The following EYA4 variants were observed in gnomAD, a reference collection of about 807,000 sequenced individuals.
EYA4 encodes the protein protein phosphatase EYA4.
Under a neutral mutation model 87.9 loss-of-function variants are expected in EYA4, and 31 were observed. The ratio of observed to expected loss-of-function variants is 0.35; its 90% CI spans 0.27 to 0.48. EYA4 has a LOEUF of 0.48. Among genes scored for constraint, EYA4 ranks in the 20% least tolerant of loss-of-function variants. EYA4 has a pLI of 0.99. For synonymous variants in EYA4, 263 were observed against 270.6 expected, an observed-to-expected ratio of 0.97 and a Z score of 0.28; for missense variants, 678 against 761.4, an observed-to-expected ratio of 0.89 and a Z score of 1.29.
chr6:133,497,028 G>T (rs548155037), intron 13 of EYA4, among the ~76,000 whole-genome samples: 1 of 152,176 alleles, frequency 6.6e-6, no homozygotes, highest in South Asian at 2.1e-4. Flanking sequence ...ATAATTAGTG[G>T]GCAATACTGA....
At chr6:133,393,373 A>G (rs1371101179) in intron 3 of EYA4, among the ~76,000 whole-genome samples, 2 of 152,210 alleles carry the variant, frequency 1.3e-5, no homozygotes, top group Non-Finnish European at 2.9e-5. Flanking sequence ...ACAAGAGCAT[A>G]CATGGTAAAG....
At chr6:133,449,375 GTTC>G (rs1445072116) in intron 5 of EYA4, among the ~76,000 whole-genome samples, 1 of 152,182 alleles carries the variant, frequency 6.6e-6, no homozygotes, top group Non-Finnish European at 1.5e-5. Flanking sequence ...GTAAAAAAAT[GTTC>G]TTAGCTTACT....
chr6:133,306,189 A>C (rs1005638413), intron 2 of EYA4, among the ~76,000 whole-genome samples: 2 of 152,322 alleles, frequency 1.3e-5, no homozygotes, highest in Non-Finnish European at 1.5e-5. Context: ...GACTAGAGAA[A>C]AGAGAGGCTA....
chr6:133,350,427 G>A (rs150366305), intron 2 of EYA4, among the ~76,000 whole-genome samples: 2 of 152,204 alleles, frequency 1.3e-5, no homozygotes, highest in African/African-American at 4.8e-5. Context: ...TATACTAAGT[G>A]GTTGATGAGG....
intron 3 of EYA4, among the ~76,000 whole-genome samples, chr6:133,432,322 T>C (rs992904385): frequency 7.9e-5 from 12 of 152,244 alleles, no homozygotes; most frequent in African/African-American, 2.4e-4. Flanking sequence ...AACTTCCCAA[T>C]TGAATATTTA....
rs151021691 is a variant in EYA4, at chr6:133,516,911, C to T, written c.1616+1476C>T. On this transcript the variant is annotated intron_variant, in intron 17 of 19. Coordinates refer to ENST00000355286, the MANE Select transcript of EYA4 (RefSeq NM_004100.5). ...ATGTACCACATTTTCTTTATCCAGT[C>T]TATCATTGATGCACAGTTAGGTTGA... 1.6e-3 allele frequency among the ~76,000 whole-genome samples: 236 copies of T among 152,202 alleles called. 1 individual carries two copies. The highest frequency in any genetic ancestry group is 5.5e-3 in the African/African-American group (228 of 41,516).
intron 1 of EYA4, among the ~76,000 whole-genome samples, chr6:133,268,765 T>C (rs1027783272): frequency 1.3e-5 from 2 of 152,094 alleles, no homozygotes; most frequent in African/African-American, 4.8e-5. Context: ...CAGGCTGAGA[T>C]ACCCAGATTT....
chr6:133,495,419 T>C (rs1430819544), intron 13 of EYA4, among the ~76,000 whole-genome samples: 1 of 148,468 alleles, frequency 6.7e-6, no homozygotes, highest in East Asian at 1.9e-4. Flanking sequence ...AAGAAATATA[T>C]TCATTTATTT....
At chr6:133,397,417 C>A (rs1294983311) in intron 3 of EYA4, among the ~76,000 whole-genome samples, 1 of 152,182 alleles carries the variant, frequency 6.6e-6, no homozygotes, top group Non-Finnish European at 1.5e-5. Context: ...CAGCTGCATT[C>A]CATCTAGCAA....
At chr6:133,492,527 T>C (rs748518460) in intron 13 of EYA4, among the ~76,000 whole-genome samples, 1 of 152,174 alleles carries the variant, frequency 6.6e-6, no homozygotes, top group African/African-American at 2.4e-5. Context: ...TTGAAAACCG[T>C]TCCTCTAAGA....
chr6:133,354,257 A>G (rs1253396944), intron 2 of EYA4, among the ~76,000 whole-genome samples: 2 of 152,180 alleles, frequency 1.3e-5, no homozygotes, highest in Non-Finnish European at 2.9e-5. Context: ...TTATATAACT[A>G]TGAATTCCAG....
Position 133,530,793 on chromosome 6 carries a change from C to T in EYA4, c.*1988C>T, listed in dbSNP as rs1800963338. On this transcript the variant is annotated 3_prime_UTR_variant, in exon 20 of 20. Coordinates refer to ENST00000355286, the MANE Select transcript of EYA4 (RefSeq NM_004100.5). ...ATTTTGTAGCTTTTGGCTGCATCTG[C>T]CCCAAGTACTATTCCAGGCAAATTA... 3 of 988,074 alleles carry T rather than the reference C, an allele frequency of 3.0e-6. No individual in the cohort carries two copies. The highest frequency in any genetic ancestry group is 3.6e-6 in the Non-Finnish European group (3 of 831,364). 61.2% of individuals were successfully genotyped at this position (988,074 alleles called of 1,614,324 possible). A position where few individuals can be genotyped will look rare whatever the true frequency, so the allele number is the denominator to read the frequency against.
chr6:133,437,557 G>A (rs907674385), intron 3 of EYA4, among the ~76,000 whole-genome samples: 4 of 152,170 alleles, frequency 2.6e-5, no homozygotes, highest in Non-Finnish European at 5.9e-5. Context: ...AACACAGAAT[G>A]TGTCATACTG....
At chr6:133,245,332 T>C (rs756009019) in intron 1 of EYA4, 2 of 152,256 alleles carry the variant, frequency 1.3e-5, no homozygotes, top group African/African-American at 2.4e-5. Flanking sequence ...ATTGAAGAGC[T>C]GAACAAACCT....
At chr6:133,264,286 C>T (rs984983003) in intron 1 of EYA4, among the ~76,000 whole-genome samples, 3 of 152,236 alleles carry the variant, frequency 2.0e-5, no homozygotes, top group Non-Finnish European at 4.4e-5. Context: ...AGCGGTACTA[C>T]CGCTAGACAC....
At chr6:133,406,572 TA>T (rs1788728783) in intron 3 of EYA4, among the ~76,000 whole-genome samples, 2 of 152,240 alleles carry the variant, frequency 1.3e-5, no homozygotes, top group Non-Finnish European at 2.9e-5. Flanking sequence ...AAAAATGTTC[TA>T]AGATTTGTCA....
At position 133,485,986 on chromosome 6, in the gene EYA4, A is replaced by T. The variant is rs549503659; in HGVS notation, c.1191+2871A>T. 4.6e-5 allele frequency among the ~76,000 whole-genome samples: 7 copies of T among 152,368 alleles called. No individual in the cohort carries two copies. In the South Asian group the frequency reaches 1.4e-3, roughly 32 times the overall value. On this transcript the variant is annotated intron_variant, in intron 13 of 19. Transcript: ENST00000355286. ...GTTCGAAAATCGAGTTCTGATGCTT[A>T]CAGCATTCTGACTCTGGCAAATTAC...
chr6:133,399,529 T>A (rs1285745254), intron 3 of EYA4, among the ~76,000 whole-genome samples: 1 of 152,198 alleles, frequency 6.6e-6, no homozygotes, highest in African/African-American at 2.4e-5. Context: ...ATCAAGAATA[T>A]GTTTTCAGTG....
At chr6:133,276,978 A>G (rs1582823810) in intron 2 of EYA4, among the ~76,000 whole-genome samples, 2 of 152,202 alleles carry the variant, frequency 1.3e-5, no homozygotes, top group Admixed American at 1.3e-4. Flanking sequence ...TGAAATCTTT[A>G]TATGATTCTA....
Sources: allele counts gnomAD v4.1 joint callset (sites outside exome capture counted in the v4.1 genomes callset), GRCh38; gene constraint gnomAD v4.1.1; transcripts MANE v1.5; gene names NCBI Gene and HGNC (gene_info 2026-07-23, HGNC 2026-07-21).